Variants in RPGRIP1 observed in about 807,000 individuals in gnomAD.
The protein encoded by RPGRIP1 is X-linked retinitis pigmentosa GTPase regulator-interacting protein 1.
RPGRIP1 carries 128 observed loss-of-function variants against 157.9 expected under a neutral mutation model. The ratio of observed to expected loss-of-function variants is 0.81; its 90% CI spans 0.70 to 0.94. RPGRIP1 has a LOEUF of 0.94. Ranked by LOEUF, RPGRIP1 falls within the 40% of genes least tolerant of loss-of-function variation. The pLI is 0.00. For missense variants in RPGRIP1, 1,486 were observed against 1,545.8 expected (o/e 0.96, Z 0.65); for synonymous variants, 554 against 571.6 (o/e 0.97, Z 0.44).
intron 1 of RPGRIP1, among the ~76,000 whole-genome samples, chr14:21,281,780 A>C (rs370941145): frequency 2.8e-4 from 42 of 150,878 alleles, no homozygotes; most frequent in African/African-American, 9.9e-4. Context: ...ATGCTTGCCC[A>C]GTGATACAGA....
intron 21 of RPGRIP1, among the ~76,000 whole-genome samples, chr14:21,337,438 C>CCTTTTT: frequency 7.8e-6 from 1 of 128,722 alleles, no homozygotes; most frequent in Non-Finnish European, 1.6e-5. Context: ...CAATGTTAAG[C>CCTTTTT]TTTTTTTTTT....
chr14:21,304,385 GAGAGAGAAAGAAAGAAAGAA>G (rs1881187210), intron 6 of RPGRIP1, among the ~76,000 whole-genome samples: 2 of 79,806 alleles, frequency 2.5e-5, no homozygotes, highest in African/African-American at 9.4e-5. Context: ...GGAGGAAGGA[GAGAGAGAAAGAAAGAAAGAA>G]AGAAAGAAAG....
chr14:21,313,408 T>C (rs1172753052), intron 10 of RPGRIP1, among the ~76,000 whole-genome samples: 1 of 146,162 alleles, frequency 6.8e-6, no homozygotes, highest in African/African-American at 2.5e-5. Context: ...CAAAAACAAA[T>C]AAACAAATAA....
intron 21 of RPGRIP1, among the ~76,000 whole-genome samples, chr14:21,336,201 A>C (rs72680704): frequency 0.08 from 12,111 of 152,186 alleles, 691 homozygotes; most frequent in Non-Finnish European, 0.12. Context: ...GAGGAGAAAA[A>C]ACTCAAAGTC....
chr14:21,344,117 GTCCCT>G (rs770188398), intron 22 of RPGRIP1, among the ~76,000 whole-genome samples: 15 of 151,434 alleles, frequency 9.9e-5, no homozygotes, highest in Non-Finnish European at 1.9e-4. Context: ...CTACACTCAT[GTCCCT>G]TTCCTTCCCA....
rs533130331 is a variant in RPGRIP1, at chr14:21,343,236, A to C, written c.3532+8A>C. The C allele has an allele frequency of 6.8e-6, 11 of 1,609,270 alleles. No homozygotes were observed. The African/African-American group carries it at 1.5e-4, about 21-fold the overall frequency. On this transcript the variant is annotated splice_region_variant and intron_variant, in intron 22 of 24. Transcript: ENST00000400017. Reference sequence around the variant, plus strand: ...ACTTTCACTTTAGCAAGGGTGAGGCATCCTGTGTGGTTACTGGGGTGAGGA... The same window carrying C: ...ACTTTCACTTTAGCAAGGGTGAGGCCTCCTGTGTGGTTACTGGGGTGAGGA...
Position 21,312,986 on chromosome 14 carries a change from C to T in RPGRIP1, c.1151+480C>T, listed in dbSNP as rs141018218. Among the ~76,000 whole-genome samples, 99 of 152,096 alleles carry T rather than the reference C, an allele frequency of 6.5e-4. No homozygotes were observed. In the East Asian group the frequency reaches 0.018, roughly 28 times the overall value. On this transcript the variant is annotated intron_variant, in intron 10 of 24. Coordinates refer to ENST00000400017, the MANE Select transcript of RPGRIP1 (RefSeq NM_020366.4). Reference sequence around the variant, plus strand: ...TAGCTGGGACTACAGGTGTGCACTGCCACACCTGGCTAATTTTTTTCTATT... The same window carrying T: ...TAGCTGGGACTACAGGTGTGCACTGTCACACCTGGCTAATTTTTTTCTATT...
chr14:21,310,056 G>GC lies in RPGRIP1; in HGVS notation c.907-526dup, dbSNP rs1292936437. Reference sequence around the variant, plus strand: ...GCCAAGATTGTGCCGCAGCACTCCAGCCTGGGCAACAGAGTGAGACTGTCT... The same window carrying GC: ...GCCAAGATTGTGCCGCAGCACTCCAGCCCTGGGCAACAGAGTGAGACTGTCT... On this transcript the variant is annotated intron_variant, in intron 7 of 24. Transcript: ENST00000400017. Among the ~76,000 whole-genome samples, 6 of 32,424 alleles carry GC rather than the reference G, an allele frequency of 1.9e-4. 2 individuals carry two copies. Among genetic ancestry groups the GC allele is most frequent in the Non-Finnish European group, 3.2e-4 (5 of 15,660 alleles). 21.3% of individuals were successfully genotyped at this position (32,424 alleles called of 152,430 possible). A position where few individuals can be genotyped will look rare whatever the true frequency, so the allele number is the denominator to read the frequency against.
At chr14:21,322,152 G>GTT (rs202225073) in intron 14 of RPGRIP1, 148 bp downstream of exon 14, 6 of 613,394 alleles carry the variant, frequency 9.8e-6, no homozygotes, top group African/African-American at 5.8e-5. Flanking sequence ...CATTTTTGTT[G>GTT]TTTTTTTTTG....
At chr14:21,325,499 C>A in intron 16 of RPGRIP1, 116 bp downstream of exon 16, 1 of 1,008,928 alleles carries the variant, frequency 9.9e-7, no homozygotes, top group South Asian at 1.7e-5. Flanking sequence ...AAAGAGAAAA[C>A]TGTCACACCA....
chr14:21,307,355 A>G (rs898505326), intron 6 of RPGRIP1, among the ~76,000 whole-genome samples: 2 of 152,226 alleles, frequency 1.3e-5, no homozygotes, highest in Non-Finnish European at 2.9e-5. Context: ...TGCCTGGTTC[A>G]TAATCTTCTT....
intron 14 of RPGRIP1, among the ~76,000 whole-genome samples, chr14:21,323,518 C>A (rs548014198): frequency 6.6e-6 from 1 of 152,038 alleles, no homozygotes; most frequent in Non-Finnish European, 1.5e-5. Flanking sequence ...CTGCTTCTAC[C>A]TACGTCTGAA....
intron 20 of RPGRIP1, 92 bp downstream of exon 20, chr14:21,330,479 C>A: frequency 1.1e-6 from 1 of 899,750 alleles, no homozygotes; most frequent in Non-Finnish European, 1.5e-6. Flanking sequence ...GCAGCCTGGC[C>A]AACATGATGA....
intron 7 of RPGRIP1, among the ~76,000 whole-genome samples, chr14:21,309,455 G>A (rs1236509818): frequency 6.6e-6 from 1 of 152,106 alleles, no homozygotes; most frequent in Admixed American, 6.6e-5. Context: ...AGGAGGCAGA[G>A]GTTGCAGTGA....
At chr14:21,351,064 G>T (rs1566376338) in intron 24 of RPGRIP1, 40 bp from the exon 25 acceptor site, 1 of 1,166,194 alleles carries the variant, frequency 8.6e-7, no homozygotes, top group South Asian at 1.3e-5. Flanking sequence ...GTATCAAAGT[G>T]TTCAACTGAG....
At chr14:21,284,997 T>G (rs1880250631) in intron 1 of RPGRIP1, among the ~76,000 whole-genome samples, 1 of 150,262 alleles carries the variant, frequency 6.7e-6, no homozygotes, top group Admixed American at 6.6e-5. Context: ...TGTTTATTTG[T>G]TGAGTACCTG....
In RPGRIP1 at chr14:21,324,944, G is replaced by A; in HGVS notation, c.2089G>A (p.Ala697Thr). The A allele has an allele frequency of 6.2e-7, 1 of 1,614,018 alleles. No homozygotes were observed. Among genetic ancestry groups the A allele is most frequent in the South Asian group, 1.1e-5 (1 of 91,084 alleles). The change falls in exon 15 of 25, where the codon GCT (alanine) becomes ACT (threonine). Residue 697 changes from alanine (A) to threonine (T), a missense_variant. Transcript: ENST00000400017. ...GCTTTTCTTACACTACCTTCAAGAG[G>A]CTTCAGCCCGGCTTGACATACACCA... ...DSLFLHYLQE[A>T]SARLDIHQAM...
intron 21 of RPGRIP1, among the ~76,000 whole-genome samples, chr14:21,336,129 A>C (rs2139297592): frequency 6.6e-6 from 1 of 152,154 alleles, no homozygotes; most frequent in South Asian, 2.1e-4. Context: ...AGGTTGGAAA[A>C]CTCTTCCTTG....
At chr14:21,351,005 G>A (rs183139303) in intron 24 of RPGRIP1, 99 bp from the exon 25 acceptor site, 8 of 642,178 alleles carry the variant, frequency 1.2e-5, no homozygotes, top group Non-Finnish European at 8.2e-6. Context: ...TATGAAATGG[G>A]TAATTTCATT....
Sources: gnomAD v4.1 joint callset for allele counts (sites outside exome capture counted in the v4.1 genomes callset) on GRCh38, gnomAD v4.1.1 for gene constraint, MANE v1.5 for transcripts, NCBI Gene and HGNC (gene_info 2026-07-23, HGNC 2026-07-21) for gene names.